The following PCDHB13 variants were observed in gnomAD, a reference collection of about 807,000 sequenced individuals.
PCDHB13 encodes the protein protocadherin beta 13, also known as protocadherin beta-13.
For missense variants in PCDHB13, 1,065 were observed against 1,016.7 expected, an observed-to-expected ratio of 1.05 and a Z score of -0.65; for synonymous variants, 515 against 450.7, an observed-to-expected ratio of 1.14 and a Z score of -1.81.
Position 141,214,803 on chromosome 5 carries a change from C to T in PCDHB13, c.680C>T (p.Ala227Val). Reference sequence around the variant, plus strand: ...GGCTCTCCGCCCAGATCTGGCACTGCTCAGGTCTACATCGAAGTCCTGGAT... The same window carrying T: ...GGCTCTCCGCCCAGATCTGGCACTGTTCAGGTCTACATCGAAGTCCTGGAT... ...DGGSPPRSGT[A>V]QVYIEVLDVN... Residue 227 changes from alanine to valine, a missense_variant, in exon 1 of 1, where the codon GCT becomes GTT. Coordinates refer to ENST00000341948, the MANE Select transcript of PCDHB13 (RefSeq NM_018933.4). 6.2e-7 allele frequency: 1 copy of T among 1,614,206 alleles called. No individual in the cohort carries two copies. Among genetic ancestry groups the T allele is most frequent in the Non-Finnish European group, 8.5e-7 (1 of 1,180,040 alleles).
Position 141,214,040 on chromosome 5 carries a change from T to C in PCDHB13, c.-84T>C. 1.3e-6 allele frequency: 2 copies of C among 1,581,488 alleles called. No individual in the cohort carries two copies. Among genetic ancestry groups the C allele is most frequent in the Non-Finnish European group, 1.7e-6 (2 of 1,154,890 alleles). Reference sequence around the variant, plus strand: ...CTCACTGGCATATTTCTGAGGTATCTGTAGAATAACCACAGCCTCAGATAC... The same window carrying C: ...CTCACTGGCATATTTCTGAGGTATCCGTAGAATAACCACAGCCTCAGATAC... On this transcript the variant is annotated 5_prime_UTR_variant, in exon 1 of 1. Transcript: ENST00000341948.
chr5:141,218,587 T>G lies in PCDHB13; in HGVS notation c.*2067T>G, dbSNP rs1217072931. The G allele has an allele frequency of 6.5e-6, 1 of 152,844 alleles. No homozygotes were observed. 9.5% of individuals were successfully genotyped at this position (152,844 alleles called of 1,614,324 possible). On this transcript the variant is annotated 3_prime_UTR_variant, in exon 1 of 1. Transcript: ENST00000341948. ...CCAAGTAGCCGGGACCACAGGCACA[T>G]GCCACCCCCCACAGCTATTTTTGTT... is the stretch of plus-strand genomic sequence containing the variant.
Position 141,214,810 on chromosome 5 carries a change from C to T in PCDHB13, c.687C>T (p.Val229=), listed in dbSNP as rs1217008968. Residue 229 remains valine (V), a synonymous_variant, in exon 1 of 1, where the codon GTC becomes GTT. Transcript: ENST00000341948. ...CGCCCAGATCTGGCACTGCTCAGGT[C>T]TACATCGAAGTCCTGGATGTCAACG... is the stretch of plus-strand genomic sequence containing the variant. The part of the protein sequence containing the change: ...GSPPRSGTAQ[V]YIEVLDVNDN... 2 of 1,614,212 alleles carry T rather than the reference C, an allele frequency of 1.2e-6. No individual in the cohort carries two copies.
At position 141,216,172 on chromosome 5, in the gene PCDHB13, C is replaced by T. The variant is rs2149682488; in HGVS notation, c.2049C>T (p.Ala683=). 1.2e-6 allele frequency: 2 copies of T among 1,612,316 alleles called. No homozygotes were observed. Among genetic ancestry groups the T allele is most frequent in the East Asian group, 4.5e-5 (2 of 44,876 alleles). ...LPEAAPTQAQ[A]DLLTVYLVVA... ...AGGCGGCCCCGACCCAGGCCCAGGCCGACTTGCTCACCGTCTACCTGGTGG... is the reference window on the plus strand; with the variant it reads ...AGGCGGCCCCGACCCAGGCCCAGGCTGACTTGCTCACCGTCTACCTGGTGG... Residue 683 remains alanine (A), a synonymous_variant, in exon 1 of 1, where the codon GCC becomes GCT. Transcript: ENST00000341948.
rs141940959 is a variant in PCDHB13 at position 141,215,441 on chromosome 5, C to T, written c.1318C>T (p.Leu440=). 13 of 1,614,170 alleles carry T rather than the reference C, an allele frequency of 8.1e-6. No homozygotes were observed. The highest frequency in any genetic ancestry group is 1.6e-4 in the Middle Eastern group (1 of 6,062). The change falls in exon 1 of 1, where the codon CTG becomes TTG. Residue 440 remains leucine (L), a synonymous_variant. Coordinates refer to ENST00000341948, the MANE Select transcript of PCDHB13 (RefSeq NM_018933.4). ...MLITQLNMTV[L]IADVNDNAPA... ...GATAACACAGCTCAATATGACCGTG[C>T]TGATCGCCGATGTCAATGACAACGC...
chr5:141,216,161 C>A lies in PCDHB13; in HGVS notation c.2038C>A (p.Gln680Lys), dbSNP rs531111463. The change falls in exon 1 of 1, where the codon CAG becomes AAG. Residue 680 changes from glutamine (Q) to lysine (K), a missense_variant. Physicochemically the swap from Gln to Lys is moderately conservative, Grantham distance 53. Transcript: ENST00000341948. ...YLPLPEAAPTQAQADLLTVYL... is the reference protein window; with the variant it reads ...YLPLPEAAPTKAQADLLTVYL... Reference sequence around the variant, plus strand: ...GCCTCTCCCGGAGGCGGCCCCGACCCAGGCCCAGGCCGACTTGCTCACCGT... The same window carrying A: ...GCCTCTCCCGGAGGCGGCCCCGACCAAGGCCCAGGCCGACTTGCTCACCGT... 8 of 1,612,102 alleles carry A rather than the reference C, an allele frequency of 5.0e-6. No individual in the cohort carries two copies. The African/African-American group carries it at 8.0e-5, about 16-fold the overall frequency.
At position 141,215,153 on chromosome 5, in the gene PCDHB13, C is replaced by G. The variant is rs1554287807; in HGVS notation, c.1030C>G (p.His344Asp). The change falls in exon 1 of 1, where the codon CAT becomes GAT. Residue 344 changes from histidine to aspartate, a missense_variant. Transcript: ENST00000341948. ...VLIQVIDVNDHAPEVTMSAFT... is the reference protein window; with the variant it reads ...VLIQVIDVNDDAPEVTMSAFT... ...GATTCAAGTGATAGATGTGAACGAC[C>G]ATGCCCCAGAAGTTACCATGTCTGC... is the stretch of plus-strand genomic sequence containing the variant. The G allele has an allele frequency of 1.2e-6, 2 of 1,614,158 alleles. No homozygotes were observed. The highest frequency in any genetic ancestry group is 2.2e-5 in the South Asian group (2 of 91,080).
rs781890751 is a variant in PCDHB13 at position 141,215,191 on chromosome 5, A to T, written c.1068A>T (p.Pro356=). Residue 356 remains proline (P), a synonymous_variant, in exon 1 of 1, where the codon CCA becomes CCT. Coordinates refer to ENST00000341948, the MANE Select transcript of PCDHB13 (RefSeq NM_018933.4). ...PEVTMSAFTS[P]IPENAPETVV... ...TTACCATGTCTGCATTTACCAGCCC[A>T]ATACCTGAGAACGCGCCTGAAACTG... 8 of 1,614,042 alleles carry T rather than the reference A, an allele frequency of 5.0e-6. No homozygotes were observed. Among genetic ancestry groups the T allele is most frequent in the African/African-American group, 1.3e-5 (1 of 74,914 alleles).
In PCDHB13 at chr5:141,216,013, G is replaced by C. The variant is rs375827444; in HGVS notation, c.1890G>C (p.Leu630=). The C allele has an allele frequency of 5.0e-6, 8 of 1,606,996 alleles. No homozygotes were observed. Among genetic ancestry groups the C allele is most frequent in the Non-Finnish European group, 6.8e-6 (8 of 1,179,578 alleles). The change falls in exon 1 of 1, where the codon CTG becomes CTC. Residue 630 remains leucine (L), a synonymous_variant. Transcript: ENST00000341948. ...HNGEVRTARL[L]SERDAAKHRL... is the part of the protein sequence containing the mutation. ...GCGAGGTGCGCACCGCCAGGCTGCT[G>C]AGCGAGCGCGACGCGGCCAAGCACA...
chr5:141,216,616 G>C lies in PCDHB13; in HGVS notation c.*96G>C, dbSNP rs782594345. On this transcript the variant is annotated 3_prime_UTR_variant, in exon 1 of 1. Coordinates refer to ENST00000341948, the MANE Select transcript of PCDHB13 (RefSeq NM_018933.4). ...AATTTGTGTGTATGTAATATTGTACGGATTTACTCTTGATTTTTCTCATGT... is the reference window on the plus strand; with the variant it reads ...AATTTGTGTGTATGTAATATTGTACCGATTTACTCTTGATTTTTCTCATGT... 9 of 1,050,238 alleles carry C rather than the reference G, an allele frequency of 8.6e-6. No individual in the cohort carries two copies. The South Asian group carries it at 1.1e-4, about 13-fold the overall frequency. 65.1% of individuals were successfully genotyped at this position (1,050,238 alleles called of 1,614,324 possible). A position where few individuals can be genotyped will look rare whatever the true frequency, so the allele number is the denominator to read the frequency against.
At position 141,214,817 on chromosome 5, in the gene PCDHB13, G is replaced by C. The variant is rs143547458; in HGVS notation, c.694G>C (p.Glu232Gln). ...ATCTGGCACTGCTCAGGTCTACATC[G>C]AAGTCCTGGATGTCAACGATAATGC... ...PRSGTAQVYI[E>Q]VLDVNDNAPE... Residue 232 changes from glutamate to glutamine, a missense_variant, in exon 1 of 1, where the codon GAA (glutamate) becomes CAA (glutamine). Physicochemically the swap from Glu to Gln is conservative, Grantham distance 29 (BLOSUM62 2). Coordinates refer to ENST00000341948, the MANE Select transcript of PCDHB13 (RefSeq NM_018933.4). 371 of 1,614,212 alleles carry C rather than the reference G, an allele frequency of 2.3e-4. 2 individuals are homozygous for C. The Middle Eastern group carries it at 7.1e-3, about 31-fold the overall frequency.
At position 141,214,807 on chromosome 5, in the gene PCDHB13, G is replaced by C. The variant is rs538852945; in HGVS notation, c.684G>C (p.Gln228His). ...GGSPPRSGTAQVYIEVLDVND... is the reference protein window; with the variant it reads ...GGSPPRSGTAHVYIEVLDVND... ...CTCCGCCCAGATCTGGCACTGCTCA[G>C]GTCTACATCGAAGTCCTGGATGTCA... Residue 228 changes from glutamine (Q) to histidine (H), a missense_variant, in exon 1 of 1, where the codon CAG becomes CAC. Gln to His is a conservative substitution (Grantham distance 24, BLOSUM62 0). Transcript: ENST00000341948. 2.5e-6 allele frequency: 4 copies of C among 1,614,198 alleles called. No individual in the cohort carries two copies. The African/African-American group carries it at 5.3e-5, about 22-fold the overall frequency.
rs1554288242 is a variant in PCDHB13, at chr5:141,216,641, T to A, written c.*121T>A. On this transcript the variant is annotated 3_prime_UTR_variant, in exon 1 of 1. Coordinates refer to ENST00000341948, the MANE Select transcript of PCDHB13 (RefSeq NM_018933.4). ...GGATTTACTCTTGATTTTTCTCATGTTCTTTCTCCCTTTGTTTTAAAGTGA... is the reference window on the plus strand; with the variant it reads ...GGATTTACTCTTGATTTTTCTCATGATCTTTCTCCCTTTGTTTTAAAGTGA... The A allele has an allele frequency of 1.1e-6, 1 of 928,286 alleles. No individual in the cohort carries two copies. Among genetic ancestry groups the A allele is most frequent in the Non-Finnish European group, 1.8e-6 (1 of 557,258 alleles). The allele number at this position is 928,286 out of a possible 1,614,324, so 57.5% of individuals were successfully genotyped here.
Position 141,215,450 on chromosome 5 carries a change from G to T in PCDHB13, c.1327G>T (p.Asp443Tyr), listed in dbSNP as rs782298061. 41 of 1,614,006 alleles carry T rather than the reference G, an allele frequency of 2.5e-5. No homozygotes were observed. The highest frequency in any genetic ancestry group is 3.3e-5 in the Non-Finnish European group (39 of 1,180,028). ...TQLNMTVLIA[D>Y]VNDNAPAFTQ... ...GCTCAATATGACCGTGCTGATCGCCGATGTCAATGACAACGCTCCCGCCTT... is the reference window on the plus strand; with the variant it reads ...GCTCAATATGACCGTGCTGATCGCCTATGTCAATGACAACGCTCCCGCCTT... Residue 443 changes from aspartate to tyrosine, a missense_variant, in exon 1 of 1, where the codon GAT becomes TAT. Coordinates refer to ENST00000341948, the MANE Select transcript of PCDHB13 (RefSeq NM_018933.4).
Position 141,217,705 on chromosome 5 carries a change from A to G in PCDHB13, c.*1185A>G, listed in dbSNP as rs1754646973. On this transcript the variant is annotated 3_prime_UTR_variant, in exon 1 of 1. Transcript: ENST00000341948. ...TCACTCTTACCTTTAAGGATCTGACACACTATGTAAGAAAAAGACTTCAAG... is the reference window on the plus strand; with the variant it reads ...TCACTCTTACCTTTAAGGATCTGACGCACTATGTAAGAAAAAGACTTCAAG... 6.0e-6 allele frequency: 1 copy of G among 167,072 alleles called. No homozygotes were observed. The allele number at this position is 167,072 out of a possible 1,614,324, so 10.3% of individuals were successfully genotyped here.
In PCDHB13 at chr5:141,218,133, G is replaced by C. The variant is rs1554288381; in HGVS notation, c.*1613G>C. 1 of 155,326 alleles carries C rather than the reference G, an allele frequency of 6.4e-6. No individual in the cohort carries two copies. The highest frequency in any genetic ancestry group is 1.5e-5 in the Non-Finnish European group (1 of 68,122). 9.6% of individuals were successfully genotyped at this position (155,326 alleles called of 1,614,324 possible). On this transcript the variant is annotated 3_prime_UTR_variant, in exon 1 of 1. Coordinates refer to ENST00000341948, the MANE Select transcript of PCDHB13 (RefSeq NM_018933.4). ...CCCACTAATTTTTGCATATTTAGTA[G>C]AGACGAGGTTTCATCATATTGCCCA...
In PCDHB13 at chr5:141,215,135, G is replaced by C. The variant is rs781989715; in HGVS notation, c.1012G>C (p.Val338Leu). ...TGGAAAATGCACCGTTCTGATTCAA[G>C]TGATAGATGTGAACGACCATGCCCC... ...FSGKCTVLIQ[V>L]IDVNDHAPEV... The change falls in exon 1 of 1, where the codon GTG becomes CTG. Residue 338 changes from valine (V) to leucine (L), a missense_variant. Coordinates refer to ENST00000341948, the MANE Select transcript of PCDHB13 (RefSeq NM_018933.4). The C allele has an allele frequency of 1.5e-5, 24 of 1,614,080 alleles. No individual in the cohort carries two copies. The South Asian group carries it at 2.3e-4, about 16-fold the overall frequency.
Position 141,215,563 on chromosome 5 carries a change from A to G in PCDHB13, c.1440A>G (p.Ser480=), listed in dbSNP as rs146026463. 4.1e-5 allele frequency: 66 copies of G among 1,613,610 alleles called. No homozygotes were observed. Among genetic ancestry groups the G allele is most frequent in the African/African-American group, 2.1e-4 (16 of 75,030 alleles). ...IRSVSATDRD[S]GTNAQVTYSL... is the part of the protein sequence containing the mutation. Reference sequence around the variant, plus strand: ...GCGTCAGCGCTACAGACAGAGACTCAGGCACCAACGCCCAGGTCACCTACT... The same window carrying G: ...GCGTCAGCGCTACAGACAGAGACTCGGGCACCAACGCCCAGGTCACCTACT... The change falls in exon 1 of 1, where the codon TCA becomes TCG. Residue 480 remains serine (S), a synonymous_variant. Coordinates refer to ENST00000341948, the MANE Select transcript of PCDHB13 (RefSeq NM_018933.4).
chr5:141,214,879 C>A lies in PCDHB13; in HGVS notation c.756C>A (p.Ile252=). The A allele has an allele frequency of 6.2e-7, 1 of 1,614,200 alleles. No homozygotes were observed. The highest frequency in any genetic ancestry group is 8.5e-7 in the Non-Finnish European group (1 of 1,180,024). ...EFEQPFYRVQ[I]SEDSPVGFLV... ...AGCAGCCTTTCTATAGAGTGCAGAT[C>A]TCTGAGGACAGTCCGGTAGGCTTCC... is the stretch of plus-strand genomic sequence containing the variant. Residue 252 remains isoleucine, a synonymous_variant, in exon 1 of 1, where the codon ATC becomes ATA. Coordinates refer to ENST00000341948, the MANE Select transcript of PCDHB13 (RefSeq NM_018933.4).
Sources: allele counts gnomAD v4.1 joint callset, GRCh38; gene constraint gnomAD v4.1.1; transcripts MANE v1.5; gene names NCBI Gene and HGNC (gene_info 2026-07-23, HGNC 2026-07-21).